Variants in ELMO1 observed in about 807,000 individuals in gnomAD.
ELMO1 encodes engulfment and cell motility 1.
A neutral mutation model predicts 98.9 loss-of-function variants in ELMO1; 26 were observed. The observed-to-expected ratio is 0.26, with a 90% CI of 0.19 to 0.36. ELMO1 has a LOEUF of 0.36. Among genes scored for constraint, ELMO1 ranks in the 10% least tolerant of loss-of-function variants. The pLI is 1.00. For missense variants in ELMO1, 627 were observed against 935.2 expected, an observed-to-expected ratio of 0.67 and a Z score of 4.30; for synonymous variants, 346 against 346.0, an observed-to-expected ratio of 1.00 and a Z score of 0.00.
chr7:36,988,556 A>G lies in ELMO1; in HGVS notation c.1437+24743T>C, dbSNP rs140518027. 7.2e-5 allele frequency among the ~76,000 whole-genome samples: 11 copies of G among 152,358 alleles called. No individual in the cohort carries two copies. The East Asian group carries it at 2.1e-3, about 29-fold the overall frequency. On this transcript the variant is annotated intron_variant, in intron 16 of 21. Transcript: ENST00000310758. The stretch of plus-strand genomic sequence containing the variant: ...AGCATAACTGTGATATGGAGTATAA[A>G]AACAGAGCTATGAACTCTGTGTTCT...
chr7:36,899,231 C>G (rs1212654944), intron 16 of ELMO1, among the ~76,000 whole-genome samples: 3 of 152,072 alleles, frequency 2.0e-5, no homozygotes, highest in Non-Finnish European at 2.9e-5. Flanking sequence ...GTTTCTGTAA[C>G]CAAGGATATG....
intron 7 of ELMO1, among the ~76,000 whole-genome samples, chr7:37,237,517 T>C (rs1794539762): frequency 6.6e-6 from 1 of 152,112 alleles, no homozygotes; most frequent in Admixed American, 6.5e-5. Context: ...CTCAAACTCC[T>C]GACCTCAGGT....
At chr7:36,949,092 G>A (rs1787754349) in intron 16 of ELMO1, among the ~76,000 whole-genome samples, 1 of 152,070 alleles carries the variant, frequency 6.6e-6, no homozygotes, top group African/African-American at 2.4e-5. Flanking sequence ...CTGACCTCAG[G>A]TGATCCACCC....
chr7:37,341,678 C>T (rs1372584284), intron 2 of ELMO1, among the ~76,000 whole-genome samples: 1 of 152,132 alleles, frequency 6.6e-6, no homozygotes, highest in Non-Finnish European at 1.5e-5. Flanking sequence ...TCGCATTGAT[C>T]TGCCACCAGA....
intron 13 of ELMO1, among the ~76,000 whole-genome samples, chr7:37,156,587 C>T (rs760994410): frequency 3.9e-5 from 6 of 152,254 alleles, no homozygotes; most frequent in Middle Eastern, 3.4e-3. Context: ...TGGATAAATT[C>T]GTGGACACAT....
intron 1 of ELMO1, among the ~76,000 whole-genome samples, chr7:37,443,198 C>T (rs1805479418): frequency 6.6e-6 from 1 of 152,192 alleles, no homozygotes; most frequent in African/African-American, 2.4e-5. Context: ...ATCCAGAGTA[C>T]AACCCACTGA....
At chr7:37,392,284 T>C (rs759169785) in intron 1 of ELMO1, among the ~76,000 whole-genome samples, 1 of 152,188 alleles carries the variant, frequency 6.6e-6, no homozygotes, top group Non-Finnish European at 1.5e-5. Context: ...TCTGAGGCAG[T>C]ACAGGGTAGC....
intron 16 of ELMO1, among the ~76,000 whole-genome samples, chr7:36,970,540 T>C (rs1323182754): frequency 2.0e-5 from 3 of 152,228 alleles, no homozygotes; most frequent in Non-Finnish European, 4.4e-5. Flanking sequence ...CACTGTTTTC[T>C]AAGATCCCTG....
chr7:36,950,991 C>T (rs1370032070), intron 16 of ELMO1, among the ~76,000 whole-genome samples: 1 of 152,206 alleles, frequency 6.6e-6, no homozygotes, highest in African/African-American at 2.4e-5. Flanking sequence ...TTCCCCCTCT[C>T]CACCACTACC....
chr7:37,005,525 G>A (rs1438892356), intron 16 of ELMO1, among the ~76,000 whole-genome samples: 1 of 151,626 alleles, frequency 6.6e-6, no homozygotes, highest in African/African-American at 2.4e-5. Context: ...AACCCCATCT[G>A]TACTAAAATT....
At chr7:37,004,717 T>C (rs539812655) in intron 16 of ELMO1, among the ~76,000 whole-genome samples, 25 of 152,378 alleles carry the variant, frequency 1.6e-4, no homozygotes, top group Middle Eastern at 6.8e-3. Context: ...ATGCTCCTGT[T>C]ATAGAAAATG....
intron 16 of ELMO1, among the ~76,000 whole-genome samples, chr7:36,923,984 A>G (rs997103177): frequency 3.9e-5 from 6 of 152,294 alleles, no homozygotes; most frequent in Non-Finnish European, 7.4e-5. Context: ...TGAGGCAATT[A>G]TGGGCAATTA....
Position 37,284,382 on chromosome 7 carries a change from G to A in ELMO1, c.193-12500C>T, listed in dbSNP as rs549079109. Among the ~76,000 whole-genome samples, 5 of 152,286 alleles carry A rather than the reference G, an allele frequency of 3.3e-5. No individual in the cohort carries two copies. In the South Asian group the frequency reaches 1.0e-3, roughly 32 times the overall value. On this transcript the variant is annotated intron_variant, in intron 4 of 21. Coordinates refer to ENST00000310758, the MANE Select transcript of ELMO1 (RefSeq NM_014800.11). ...TAGGGAATGAATTTGTTGAAGCAGT[G>A]AATGAGATGGGAAGGGAATGCGTTC...
chr7:37,005,124 A>G (rs1315247128), intron 16 of ELMO1, among the ~76,000 whole-genome samples: 11 of 150,744 alleles, frequency 7.3e-5, no homozygotes, highest in African/African-American at 2.4e-4. Flanking sequence ...AAAAAAAAAA[A>G]AAAAAAAAGA....
intron 1 of ELMO1, among the ~76,000 whole-genome samples, chr7:37,405,181 G>A (rs1803704511): frequency 6.8e-6 from 1 of 146,222 alleles, no homozygotes; most frequent in African/African-American, 2.5e-5. Context: ...AGGCATGGAT[G>A]CTTTTTATAC....
chr7:37,350,870 C>T (rs1801233147), intron 1 of ELMO1, among the ~76,000 whole-genome samples: 1 of 152,176 alleles, frequency 6.6e-6, no homozygotes, highest in Non-Finnish European at 1.5e-5. Context: ...CCTAAGAACA[C>T]AGGGAGAAGA....
chr7:36,888,029 C>T (rs1366711742), intron 17 of ELMO1, among the ~76,000 whole-genome samples: 2 of 152,152 alleles, frequency 1.3e-5, no homozygotes, highest in African/African-American at 4.8e-5. Flanking sequence ...CCTTGGTCAA[C>T]TTTTTTCCCC....
chr7:37,013,978 T>C (rs1478523969), intron 15 of ELMO1, among the ~76,000 whole-genome samples: 1 of 152,186 alleles, frequency 6.6e-6, no homozygotes, highest in Non-Finnish European at 1.5e-5. Context: ...TCTGATGCCA[T>C]TAACCATTTG....
intron 1 of ELMO1, among the ~76,000 whole-genome samples, chr7:37,345,590 G>A (rs1562632277): frequency 6.6e-6 from 1 of 151,402 alleles, no homozygotes; most frequent in African/African-American, 2.4e-5. Context: ...GCTTGTAATC[G>A]CAGCTACTCG....
Sources: gnomAD v4.1 joint callset for allele counts (sites outside exome capture counted in the v4.1 genomes callset) on GRCh38, gnomAD v4.1.1 for gene constraint, MANE v1.5 for transcripts, NCBI Gene and HGNC (gene_info 2026-07-23, HGNC 2026-07-21) for gene names.